The following KCNG2 variants were observed in gnomAD, a reference collection of about 807,000 sequenced individuals.
KCNG2 encodes voltage-gated potassium channel regulatory subunit KCNG2.
In KCNG2, 7 loss-of-function variants were observed where a neutral mutation model predicts 12.3. The ratio of observed to expected loss-of-function variants is 0.57; its 90% CI spans 0.32 to 1.07. The LOEUF (loss-of-function observed/expected upper bound fraction) is 1.07. Ranked by LOEUF, KCNG2 falls within the 50% of genes least tolerant of loss-of-function variation. The pLI is 0.04. For synonymous variants in KCNG2, 414 were observed against 351.4 expected (o/e 1.18, Z -1.99); for missense variants, 703 against 726.0 (o/e 0.97, Z 0.36).
At chr18:79,828,660 T>G (rs1978288171) in intron 1 of KCNG2, among the ~76,000 whole-genome samples, 1 of 151,950 alleles carries the variant, frequency 6.6e-6, no homozygotes, top group African/African-American at 2.4e-5. Flanking sequence ...TGTGTGTGCC[T>G]GTGTGTGCAT....
At chr18:79,798,160 C>T (rs933554463) in intron 1 of KCNG2, among the ~76,000 whole-genome samples, 146 bp downstream of exon 1, 1 of 136,836 alleles carries the variant, frequency 7.3e-6, no homozygotes, top group African/African-American at 2.7e-5. Context: ...TGCGCGCGGG[C>T]GCGGGAGGGT....
chr18:79,867,330 C>T (rs143557495), intron 3 of KCNG2, among the ~76,000 whole-genome samples: 1 of 151,872 alleles, frequency 6.6e-6, no homozygotes, highest in African/African-American at 2.4e-5. Flanking sequence ...GTGGGTCAAC[C>T]TATGTTACCA....
chr18:79,858,998 CT>C (rs1358969072), intron 2 of KCNG2, among the ~76,000 whole-genome samples: 2 of 151,750 alleles, frequency 1.3e-5, no homozygotes, highest in African/African-American at 4.8e-5. Context: ...ACTTGCAGCT[CT>C]TTTTTTTTCC....
intron 2 of KCNG2, among the ~76,000 whole-genome samples, chr18:79,861,043 G>A (rs908010962): frequency 3.3e-5 from 5 of 152,082 alleles, no homozygotes; most frequent in South Asian, 2.1e-4. Context: ...GTTAGACTTC[G>A]TCAAATCCTT....
intron 1 of KCNG2, among the ~76,000 whole-genome samples, chr18:79,814,439 G>A (rs892720515): frequency 6.6e-6 from 1 of 152,252 alleles, no homozygotes; most frequent in Admixed American, 6.5e-5. Context: ...ACACACAGCA[G>A]CTTGGATGAA....
intron 1 of KCNG2, among the ~76,000 whole-genome samples, chr18:79,820,923 C>G (rs2087565521): frequency 6.6e-6 from 1 of 152,212 alleles, no homozygotes; most frequent in Admixed American, 6.5e-5. Context: ...GCTGGGATTA[C>G]AGGTGTGAGC....
chr18:79,840,170 T>C (rs1283333404), intron 1 of KCNG2, among the ~76,000 whole-genome samples: 2 of 151,988 alleles, frequency 1.3e-5, no homozygotes, highest in African/African-American at 4.8e-5. Flanking sequence ...AAGGAAGAAA[T>C]AAGACTGCCC....
intron 3 of KCNG2, among the ~76,000 whole-genome samples, chr18:79,876,631 G>A (rs1405393475): frequency 6.6e-6 from 1 of 152,252 alleles, no homozygotes; most frequent in African/African-American, 2.4e-5. Flanking sequence ...ACCTGTGTCT[G>A]TGACGCTGGT....
At chr18:79,874,990 C>T (rs1599419108) in intron 3 of KCNG2, among the ~76,000 whole-genome samples, 1 of 152,160 alleles carries the variant, frequency 6.6e-6, no homozygotes, top group Non-Finnish European at 1.5e-5. Flanking sequence ...CTCAGAAAGC[C>T]ACACCCCAGC....
chr18:79,802,680 T>G (rs1228230573), intron 1 of KCNG2, among the ~76,000 whole-genome samples: 1 of 151,344 alleles, frequency 6.6e-6, no homozygotes, highest in Non-Finnish European at 1.5e-5. Context: ...ATTCTGAGCG[T>G]ACAGTGGTTC....
At chr18:79,857,031 C>T (rs1979033329) in intron 2 of KCNG2, among the ~76,000 whole-genome samples, 1 of 132,732 alleles carries the variant, frequency 7.5e-6, no homozygotes, top group African/African-American at 2.9e-5. Context: ...AGCTCTCCTG[C>T]TTTGTGGACC....
chr18:79,850,310 C>G (rs886376169), intron 1 of KCNG2, among the ~76,000 whole-genome samples: 6 of 152,214 alleles, frequency 3.9e-5, no homozygotes, highest in Admixed American at 2.6e-4. Flanking sequence ...TGGGATTATT[C>G]TGTTCCTTGA....
rs1358549989 is a variant in KCNG2, at chr18:79,899,945, C to T, written c.*129C>T. 3 of 855,130 alleles carry T rather than the reference C, an allele frequency of 3.5e-6. No homozygotes were observed. Among genetic ancestry groups the T allele is most frequent in the East Asian group, 7.3e-5 (2 of 27,576 alleles). The allele number at this position is 855,130 out of a possible 1,614,324, so 53.0% of individuals were successfully genotyped here. The stretch of plus-strand genomic sequence containing the variant: ...TCCTGCCGGCCGCGTCCTCGGCCCT[C>T]GTGCGTGAGCAGCCCCAGAACTTGG... On this transcript the variant is annotated 3_prime_UTR_variant, in exon 4 of 4. Coordinates refer to ENST00000316249, the MANE Select transcript of KCNG2 (RefSeq NM_012283.2).
chr18:79,889,508 C>T (rs1980672655), intron 3 of KCNG2, among the ~76,000 whole-genome samples: 1 of 152,142 alleles, frequency 6.6e-6, no homozygotes, highest in African/African-American at 2.4e-5. Context: ...TGCATTTCTT[C>T]CTTTTGATGC....
intron 1 of KCNG2, among the ~76,000 whole-genome samples, chr18:79,809,674 A>G (rs2122993198): frequency 6.6e-6 from 1 of 152,322 alleles, no homozygotes; most frequent in Non-Finnish European, 1.5e-5. Context: ...CCGGGTGCCC[A>G]GCGCACCTGC....
intron 3 of KCNG2, among the ~76,000 whole-genome samples, chr18:79,882,693 G>A (rs1000585415): frequency 1.3e-5 from 2 of 152,220 alleles, no homozygotes; most frequent in African/African-American, 2.4e-5. Context: ...GTGCGCGGCC[G>A]GCAAGGCTCA....
chr18:79,802,386 C>A (rs2087416904), intron 1 of KCNG2, among the ~76,000 whole-genome samples: 1 of 151,896 alleles, frequency 6.6e-6, no homozygotes, highest in Non-Finnish European at 1.5e-5. Context: ...CAACACCTGT[C>A]CCAGCCGTGC....
At chr18:79,876,961 G>C (rs370493792) in intron 3 of KCNG2, among the ~76,000 whole-genome samples, 2 of 152,216 alleles carry the variant, frequency 1.3e-5, no homozygotes, top group East Asian at 3.9e-4. Flanking sequence ...CAGACACGAA[G>C]GCACAAAACG....
At chr18:79,810,170 C>T (rs1017555363) in intron 1 of KCNG2, among the ~76,000 whole-genome samples, 3 of 150,030 alleles carry the variant, frequency 2.0e-5, no homozygotes, top group Non-Finnish European at 3.0e-5. Flanking sequence ...AAGATGGAGG[C>T]GGTGGGAGGG....
Sources: allele counts gnomAD v4.1 joint callset (sites outside exome capture counted in the v4.1 genomes callset), GRCh38; gene constraint gnomAD v4.1.1; transcripts MANE v1.5; gene names NCBI Gene and HGNC (gene_info 2026-07-23, HGNC 2026-07-21).